Variants in ADGRE2 observed in about 807,000 individuals in gnomAD.
ADGRE2 encodes CD97 antigen.
In ADGRE2, 83 loss-of-function variants were observed where a neutral mutation model predicts 100.8. The observed-to-expected ratio is 0.82, with a 90% CI of 0.69 to 0.99. The LOEUF is 0.99. ADGRE2 is among the 50% of genes least tolerant of loss of function. The probability of loss-of-function intolerance (pLI) is 0.00; values close to 1 mark genes in which losing one functional copy is unlikely to be tolerated. For missense variants in ADGRE2, 814 were observed against 1,035.7 expected, an observed-to-expected ratio of 0.79 and a Z score of 2.94; for synonymous variants, 355 against 413.0, an observed-to-expected ratio of 0.86 and a Z score of 1.70.
At chr19:14,774,401 C>T in intron 2 of ADGRE2, 95 bp from the exon 3 acceptor site, 1 of 1,496,568 alleles carries the variant, frequency 6.7e-7, no homozygotes, top group South Asian at 1.2e-5. Context: ...ATGCTGACCC[C>T]TCTCAGGCTC....
downstream of ADGRE2, among the ~76,000 whole-genome samples, chr19:14,727,970 C>T (rs1282741425): frequency 6.6e-6 from 1 of 152,220 alleles, no homozygotes; most frequent in Non-Finnish European, 1.5e-5. Flanking sequence ...CGCCTGTAAT[C>T]CCAGCACTTT....
chr19:14,730,393 C>T (rs118067506), downstream of ADGRE2, among the ~76,000 whole-genome samples: 1,256 of 152,170 alleles, frequency 8.3e-3, 15 homozygotes, highest in Non-Finnish European at 0.013. Flanking sequence ...TAGTTCTTCC[C>T]AGCCCCTTCT....
intron 5 of ADGRE2, among the ~76,000 whole-genome samples, chr19:14,770,958 G>T (rs1001446737): frequency 3.3e-5 from 5 of 152,036 alleles, no homozygotes; most frequent in Admixed American, 3.3e-4. Context: ...GGGATTACAG[G>T]CGTGAGCCAC....
At chr19:14,730,131 C>A (rs1290373076), downstream of ADGRE2, among the ~76,000 whole-genome samples, 4 of 152,204 alleles carry the variant, frequency 2.6e-5, no homozygotes, top group Non-Finnish European at 5.9e-5. Context: ...CTGCTCACTG[C>A]AACCTCTGCC....
downstream of ADGRE2, among the ~76,000 whole-genome samples, chr19:14,730,779 T>TTG (rs2042664240): frequency 6.6e-6 from 1 of 151,916 alleles, no homozygotes; most frequent in Non-Finnish European, 1.5e-5. Context: ...TAGTACCTGA[T>TTG]AGGTAGTTTT....
intron 11 of ADGRE2, among the ~76,000 whole-genome samples, chr19:14,763,345 A>AAAAACAAAACAAAAC (rs373264140): frequency 6.6e-6 from 1 of 151,984 alleles, no homozygotes; most frequent in Admixed American, 6.6e-5. Flanking sequence ...TCTGTCTCAA[A>AAAAACAAAACAAAAC]AAAACAAAAC....
At chr19:14,769,892 G>A (rs951879359) in intron 5 of ADGRE2, among the ~76,000 whole-genome samples, 2 of 152,080 alleles carry the variant, frequency 1.3e-5, no homozygotes, top group African/African-American at 4.8e-5. Flanking sequence ...TAGAGACGGG[G>A]TTTCACCATG....
intron 11 of ADGRE2, among the ~76,000 whole-genome samples, chr19:14,759,770 C>T (rs1415384361): frequency 7.4e-5 from 11 of 148,860 alleles, no homozygotes; most frequent in Admixed American, 1.4e-4. Flanking sequence ...GCTAGGATTA[C>T]GGGTGTGAGC....
chr19:14,774,317 G>C lies in ADGRE2; in HGVS notation c.32-11C>G. 1.9e-6 allele frequency: 3 copies of C among 1,553,616 alleles called. No individual in the cohort carries two copies. Among genetic ancestry groups the C allele is most frequent in the Non-Finnish European group, 2.6e-6 (3 of 1,142,830 alleles). ...GCCAGACACAGAATGCTGCAACAGA[G>C]AAAGGAAAGGGGGTCAGAGGGGATC... On this transcript the variant is annotated splice_polypyrimidine_tract_variant and intron_variant, in intron 2 of 20. Transcript: ENST00000315576.
Position 14,746,009 on chromosome 19 carries a change from G to A in ADGRE2, c.2183+223C>T, listed in dbSNP as rs141423863. On this transcript the variant is annotated intron_variant, in intron 18 of 20. Transcript: ENST00000315576. The stretch of plus-strand genomic sequence containing the variant: ...AATGAAGATTCTTCCTGTTGCTCTG[G>A]GATTCACAAACTGAGATTAGACATG... Among the ~76,000 whole-genome samples, 8 of 152,188 alleles carry A rather than the reference G, an allele frequency of 5.3e-5. No individual in the cohort carries two copies. The East Asian group carries it at 1.5e-3, about 29-fold the overall frequency.
chr19:14,762,765 T>A, intron 11 of ADGRE2, among the ~76,000 whole-genome samples: 1 of 152,112 alleles, frequency 6.6e-6, no homozygotes, highest in Non-Finnish European at 1.5e-5. Flanking sequence ...TGCCTCAGCC[T>A]CTTGAGTAGC....
At chr19:14,774,110 G>A in intron 3 of ADGRE2, 56 bp from the exon 4 acceptor site, 4 of 1,536,588 alleles carry the variant, frequency 2.6e-6, no homozygotes. Context: ...ACACAAAAAG[G>A]GGGCACTGGG....
rs953292009 is a variant in ADGRE2, at chr19:14,765,342, C to T, written c.884G>A (p.Gly295Asp). ...TACCTGGATGGTGTTATTGGCCAAG[C>T]CTGGCTTGTAGTCTCTGCCCAGGTC... Reference protein sequence around the residue: ...VQDLGRDYKPGLANNTIQSIL... With the variant: ...VQDLGRDYKPDLANNTIQSIL... Residue 295 changes from glycine (G) to aspartate (D), a missense_variant, in exon 10 of 21, where the codon GGC (glycine) becomes GAC (aspartate). Transcript: ENST00000315576. 8.7e-6 allele frequency: 14 copies of T among 1,614,130 alleles called. No homozygotes were observed. The highest frequency in any genetic ancestry group is 6.7e-5 in the East Asian group (3 of 44,884).
Position 14,773,952 on chromosome 19 carries a change from A to G in ADGRE2, c.185T>C (p.Met62Thr), listed in dbSNP as rs746075135. The G allele has an allele frequency of 8.0e-5, 129 of 1,613,592 alleles. No individual in the cohort carries two copies. The highest frequency in any genetic ancestry group is 1.1e-4 in the East Asian group (5 of 44,878). ...AGCCTCTGTACCGTCACAAGTCTCC[A>G]TGGGGGTGGTGATGATCTCAGAAAA... ...SSFSEIITTP[M>T]ETCDDINECA... is the part of the protein sequence containing the mutation. The change falls in exon 4 of 21, where the codon ATG becomes ACG. Residue 62 changes from methionine to threonine, a missense_variant. Physicochemically the swap from Met to Thr is moderately conservative, Grantham distance 81. Transcript: ENST00000315576.
chr19:14,746,215 C>T lies in ADGRE2; in HGVS notation c.2183+17G>A, dbSNP rs1335657071. On this transcript the variant is annotated intron_variant, in intron 18 of 20. Transcript: ENST00000315576. ...CCATACATGTCTGTGTGGTTATCAC[C>T]CCCTTCTCCATCTTACCTTGTGTTC... The T allele has an allele frequency of 6.9e-7, 1 of 1,459,278 alleles. No homozygotes were observed. The allele number at this position is 1,459,278 out of a possible 1,614,324, so 90.4% of individuals were successfully genotyped here.
chr19:14,747,028 AT>A, intron 16 of ADGRE2, 66 bp from the exon 17 acceptor site: 2 of 1,319,020 alleles, frequency 1.5e-6, no homozygotes, highest in Non-Finnish European at 2.1e-6. Flanking sequence ...ATGTAAATCT[AT>A]TCCATCCCTC....
chr19:14,731,281 A>C, downstream of ADGRE2: 2 of 1,233,458 alleles, frequency 1.6e-6, no homozygotes, highest in Non-Finnish European at 2.3e-6. Flanking sequence ...GGGCTTGAAG[A>C]CTCCAAATCT....
chr19:14,765,457 C>T, intron 9 of ADGRE2, 60 bp from the exon 10 acceptor site: 3 of 1,613,270 alleles, frequency 1.9e-6, no homozygotes, highest in Non-Finnish European at 2.5e-6. Context: ...AAGTTTAGAA[C>T]AAGGAGACGG....
Position 14,756,363 on chromosome 19 carries a change from T to C in ADGRE2, c.1085-18A>G. ...GGACAATTCTATGAGTTGTGGGAAT[T>C]ACATAAGGGGGGTTAGGTTAGGAAT... On this transcript the variant is annotated intron_variant, in intron 11 of 20. Transcript: ENST00000315576. 6.3e-7 allele frequency: 1 copy of C among 1,581,328 alleles called. No individual in the cohort carries two copies. The highest frequency in any genetic ancestry group is 2.2e-5 in the East Asian group (1 of 44,746).
Sources: allele counts gnomAD v4.1 joint callset (sites outside exome capture counted in the v4.1 genomes callset), GRCh38; gene constraint gnomAD v4.1.1; transcripts MANE v1.5; gene names NCBI Gene and HGNC (gene_info 2026-07-23, HGNC 2026-07-21).